The following CTNNA3 variants were observed in gnomAD, a reference collection of about 807,000 sequenced individuals.
CTNNA3 encodes catenin alpha 3, also known as catenin alpha-3.
In CTNNA3, 76 loss-of-function variants were observed where a neutral mutation model predicts 95.7. The observed-to-expected ratio is 0.79, with a 90% CI of 0.66 to 0.96. CTNNA3 has a LOEUF of 0.96. CTNNA3 is among the 40% of genes least tolerant of loss of function. The pLI is 0.00. For missense variants in CTNNA3, 1,191 were observed against 1,089.8 expected, an observed-to-expected ratio of 1.09 and a Z score of -1.31; for synonymous variants, 431 against 374.4, an observed-to-expected ratio of 1.15 and a Z score of -1.74.
chr10:67,240,146 C>T (rs1164395442), intron 5 of CTNNA3, among the ~76,000 whole-genome samples: 1 of 152,184 alleles, frequency 6.6e-6, no homozygotes, highest in East Asian at 1.9e-4. Flanking sequence ...GACAAAACCA[C>T]TCTGGTAAGG....
In CTNNA3 at chr10:67,307,598, A is replaced by T. The variant is rs190886111; in HGVS notation, c.580-87728T>A. On this transcript the variant is annotated intron_variant, in intron 5 of 17. Transcript: ENST00000433211. ...CTAGTCTAATTTCATGAAGGAAAAC[A>T]TCATGCTTATTTGAAGACTATCCTT... 2.7e-4 allele frequency among the ~76,000 whole-genome samples: 41 copies of T among 152,350 alleles called. No homozygotes were observed. In the East Asian group the frequency reaches 7.1e-3, roughly 26 times the overall value.
intron 11 of CTNNA3, among the ~76,000 whole-genome samples, chr10:66,433,322 C>T (rs1293038425): frequency 6.6e-6 from 1 of 152,128 alleles, no homozygotes; most frequent in Non-Finnish European, 1.5e-5. Context: ...TGTTTCCTGA[C>T]TTTTTAATGA....
At chr10:67,737,237 T>C (rs1484146311) in intron 1 of CTNNA3, among the ~76,000 whole-genome samples, 4 of 152,090 alleles carry the variant, frequency 2.6e-5, no homozygotes, top group African/African-American at 9.7e-5. Flanking sequence ...AATTACATGC[T>C]CCTGAATGAC....
chr10:67,143,443 A>AAAAAAAAAAAAC, intron 7 of CTNNA3, among the ~76,000 whole-genome samples: 1 of 150,848 alleles, frequency 6.6e-6, no homozygotes, highest in African/African-American at 2.4e-5. Flanking sequence ...AAAAAAAAAA[A>AAAAAAAAAAAAC]AAAATTATCT....
intron 5 of CTNNA3, among the ~76,000 whole-genome samples, chr10:67,385,515 T>C (rs1184370003): frequency 6.6e-6 from 1 of 152,228 alleles, no homozygotes; most frequent in Non-Finnish European, 1.5e-5. Flanking sequence ...TTTTCAGCCT[T>C]CTTCACAAAC....
At chr10:66,113,011 T>C (rs562626738) in intron 13 of CTNNA3, among the ~76,000 whole-genome samples, 5 of 152,288 alleles carry the variant, frequency 3.3e-5, no homozygotes, top group African/African-American at 1.2e-4. Context: ...CTGGATCATA[T>C]AGTAGTTCTG....
At chr10:67,319,883 C>T (rs992123671) in intron 5 of CTNNA3, among the ~76,000 whole-genome samples, 12 of 117,022 alleles carry the variant, frequency 1.0e-4, no homozygotes, top group Non-Finnish European at 1.3e-4. Flanking sequence ...GTGACAAGAG[C>T]GAGACTCAGT....
chr10:66,328,627 T>C (rs1408900363), intron 12 of CTNNA3, among the ~76,000 whole-genome samples: 1 of 151,858 alleles, frequency 6.6e-6, no homozygotes, highest in Non-Finnish European at 1.5e-5. Flanking sequence ...TGTGTATTAC[T>C]CAGGTTCTCC....
intron 7 of CTNNA3, among the ~76,000 whole-genome samples, chr10:66,951,005 T>C (rs1178984920): frequency 6.6e-6 from 1 of 152,172 alleles, no homozygotes; most frequent in African/African-American, 2.4e-5. Context: ...ATGGTATGCT[T>C]ATTTAAATAC....
rs549472533 is a variant in CTNNA3 at position 66,222,598 on chromosome 10, A to G, written c.1884+57872T>C. On this transcript the variant is annotated intron_variant, in intron 13 of 17. Transcript: ENST00000433211. ...AGAAAGAAGGAAAGAAAAAGAAAGA[A>G]CGAAAGAAAGAAAGAAAGAAAGAAA... Among the ~76,000 whole-genome samples the G allele has an allele frequency of 2.0e-3, 300 of 147,374 alleles. 2 individuals are homozygous for G. The highest frequency in any genetic ancestry group is 7.4e-3 in the African/African-American group (293 of 39,656).
chr10:66,267,367 C>T (rs1427469996), intron 13 of CTNNA3, among the ~76,000 whole-genome samples: 1 of 152,092 alleles, frequency 6.6e-6, no homozygotes, highest in Non-Finnish European at 1.5e-5. Flanking sequence ...CAACTCTTGA[C>T]TCATTCATCA....
rs1849010196 is a variant in CTNNA3 at position 66,959,626 on chromosome 10, T to C, written c.1048-184102A>G. 2.0e-5 allele frequency among the ~76,000 whole-genome samples: 3 copies of C among 152,280 alleles called. No homozygotes were observed. In the South Asian group the frequency reaches 6.2e-4, roughly 32 times the overall value. On this transcript the variant is annotated intron_variant, in intron 7 of 17. Transcript: ENST00000433211. ...GATGATTTCTACAACTACTTTCAGG[T>C]CTAACATTCCACAACCTTATTTGTG...
intron 1 of CTNNA3, among the ~76,000 whole-genome samples, chr10:67,720,128 G>GTTTTTTTTTTTTTTTTTTTTT (rs1564839853): frequency 7.5e-4 from 2 of 2,660 alleles, no homozygotes; most frequent in Admixed American, 7.5e-3. Flanking sequence ...TGCAACCCCT[G>GTTTTTTTTTTTTTTTTTTTTT]CTTTTTTTTT....
chr10:67,029,466 G>A (rs1230481279), intron 7 of CTNNA3, among the ~76,000 whole-genome samples: 1 of 152,088 alleles, frequency 6.6e-6, no homozygotes, highest in Non-Finnish European at 1.5e-5. Context: ...ACTGTCTTAG[G>A]AAAAGCATGA....
chr10:66,686,867 G>A (rs1847315937), intron 9 of CTNNA3, among the ~76,000 whole-genome samples: 1 of 152,060 alleles, frequency 6.6e-6, no homozygotes, highest in Non-Finnish European at 1.5e-5. Flanking sequence ...ATAAATCTCT[G>A]TGATTTGCTT....
At chr10:67,504,296 CA>C (rs1042577508) in intron 5 of CTNNA3, among the ~76,000 whole-genome samples, 1 of 149,272 alleles carries the variant, frequency 6.7e-6, no homozygotes, top group Non-Finnish European at 1.5e-5. Flanking sequence ...ACTAAAAATA[CA>C]AAAAAATTGG....
intron 9 of CTNNA3, among the ~76,000 whole-genome samples, chr10:66,671,570 T>TAGAAAA (rs1846662899): frequency 2.0e-5 from 3 of 152,212 alleles, no homozygotes; most frequent in African/African-American, 7.2e-5. Context: ...TTCTGTTACT[T>TAGAAAA]TTCTTGTTAA....
intron 9 of CTNNA3, among the ~76,000 whole-genome samples, chr10:66,676,358 T>G (rs1048757832): frequency 2.0e-5 from 3 of 152,074 alleles, no homozygotes; most frequent in African/African-American, 4.8e-5. Flanking sequence ...CTGAAATTAA[T>G]AGCCAGGTGT....
intron 7 of CTNNA3, among the ~76,000 whole-genome samples, chr10:66,876,841 G>C (rs998518716): frequency 6.6e-6 from 1 of 152,008 alleles, no homozygotes; most frequent in African/African-American, 2.4e-5. Context: ...GGAGGAAAAA[G>C]GTAACTTATA....
Sources: gnomAD v4.1 joint callset for allele counts (sites outside exome capture counted in the v4.1 genomes callset) on GRCh38, gnomAD v4.1.1 for gene constraint, MANE v1.5 for transcripts, NCBI Gene and HGNC (gene_info 2026-07-23, HGNC 2026-07-21) for gene names.